Variants in PPA2 observed in about 807,000 individuals in gnomAD.
PPA2 encodes the protein inorganic pyrophosphatase 2, mitochondrial.
A neutral mutation model predicts 49.5 loss-of-function variants in PPA2; 48 were observed. The observed-to-expected ratio is 0.97, with a 90% CI of 0.77 to 1.23. PPA2 has a LOEUF of 1.23. Ranked by LOEUF, PPA2 falls within the 50% of genes most tolerant of loss-of-function variation. The probability of loss-of-function intolerance (pLI) is 0.00; values close to 1 mark genes in which losing one functional copy is unlikely to be tolerated. For synonymous variants in PPA2, 131 were observed against 139.9 expected (o/e 0.94, Z 0.45); for missense variants, 429 against 410.1 (o/e 1.05, Z -0.40).
At chr4:105,464,337 C>T (rs1333544404) in intron 1 of PPA2, among the ~76,000 whole-genome samples, 1 of 152,232 alleles carries the variant, frequency 6.6e-6, no homozygotes, top group African/African-American at 2.4e-5. Context: ...TTTATTTACC[C>T]AATACCTGTG....
In PPA2 at chr4:105,383,182, T is replaced by C. The variant is rs1400017989; in HGVS notation, c.939+3385A>G. On this transcript the variant is annotated intron_variant, in intron 10 of 11. Transcript: ENST00000341695. ...TATGATACAGTCATGCTTTTTGTGA[T>C]CATGTATAGTTCAAACATCTATATT... Among the ~76,000 whole-genome samples the C allele has an allele frequency of 3.9e-5, 6 of 152,188 alleles. No individual in the cohort carries two copies. The South Asian group carries it at 1.0e-3, about 26-fold the overall frequency.
chr4:105,464,765 G>T (rs1055213670), intron 1 of PPA2, among the ~76,000 whole-genome samples: 1 of 152,074 alleles, frequency 6.6e-6, no homozygotes, highest in African/African-American at 2.4e-5. Flanking sequence ...TTCACCTTCG[G>T]CCATGATTGT....
chr4:105,385,032 C>T (rs1162958786), intron 10 of PPA2, among the ~76,000 whole-genome samples: 7 of 152,150 alleles, frequency 4.6e-5, no homozygotes, highest in Non-Finnish European at 8.8e-5. Flanking sequence ...CTCAGACATC[C>T]TCTTGCCTCA....
In PPA2 at chr4:105,391,068, AGCAAACTAATGCAG is replaced by A. The variant is rs368576452; in HGVS notation, c.870-4446_870-4433del. Reference sequence around the variant, plus strand: ...GATGAAGCTGGAAACCATCATCCTCAGCAAACTAATGCAGGAGCAGAAAACTAAACACCACATGT... The same window carrying A: ...GATGAAGCTGGAAACCATCATCCTCAGAGCAGAAAACTAAACACCACATGT... On this transcript the variant is annotated intron_variant, in intron 9 of 11. Coordinates refer to ENST00000341695, the MANE Select transcript of PPA2 (RefSeq NM_176869.3). 3.0e-4 allele frequency among the ~76,000 whole-genome samples: 46 copies of A among 152,312 alleles called. No homozygotes were observed. The East Asian group carries it at 8.5e-3, about 28-fold the overall frequency.
chr4:105,465,587 C>T lies in PPA2; in HGVS notation c.157+8307G>A, dbSNP rs182031840. On this transcript the variant is annotated intron_variant, in intron 1 of 11. Coordinates refer to ENST00000341695, the MANE Select transcript of PPA2 (RefSeq NM_176869.3). ...GAAGGATTGCATGTGAGGCCAATTT[C>T]TCAAGTTGTTAAATGTCTAAAATGT... Among the ~76,000 whole-genome samples, 417 of 152,274 alleles carry T rather than the reference C, an allele frequency of 2.7e-3. 2 individuals are homozygous for T. Among genetic ancestry groups the T allele is most frequent in the Non-Finnish European group, 3.8e-3 (257 of 68,020 alleles).
At chr4:105,420,124 C>T (rs929011324) in intron 7 of PPA2, among the ~76,000 whole-genome samples, 1 of 152,122 alleles carries the variant, frequency 6.6e-6, no homozygotes, top group African/African-American at 2.4e-5. Flanking sequence ...AGGCATGTGC[C>T]ACCACACCCA....
intron 6 of PPA2, among the ~76,000 whole-genome samples, chr4:105,430,474 C>T (rs1403721614): frequency 3.9e-5 from 6 of 152,198 alleles, no homozygotes; most frequent in Admixed American, 1.3e-4. Flanking sequence ...GATTTACAAT[C>T]TTATTTGGGT....
chr4:105,382,701 T>C (rs1467711103), intron 10 of PPA2, among the ~76,000 whole-genome samples: 2 of 151,908 alleles, frequency 1.3e-5, no homozygotes, highest in African/African-American at 2.4e-5. Context: ...AAAAAAACTT[T>C]ACAAAAAGAA....
chr4:105,448,243 G>T (rs1722499609), intron 4 of PPA2: 1 of 186,038 alleles, frequency 5.4e-6, no homozygotes, highest in African/African-American at 2.4e-5. Flanking sequence ...AACACCAAAA[G>T]AATAATCTAA....
chr4:105,393,330 CA>C (rs1021408627), intron 9 of PPA2, among the ~76,000 whole-genome samples: 3 of 151,468 alleles, frequency 2.0e-5, no homozygotes, highest in African/African-American at 7.3e-5. Flanking sequence ...CCTGTCCATT[CA>C]AAAAATTTAA....
intron 1 of PPA2, among the ~76,000 whole-genome samples, chr4:105,473,102 G>A (rs1170506346): frequency 6.6e-6 from 1 of 152,174 alleles, no homozygotes; most frequent in Non-Finnish European, 1.5e-5. Context: ...GGGGAGTGAA[G>A]GCAAGCGACC....
chr4:105,427,026 G>A (rs920936205), intron 6 of PPA2, among the ~76,000 whole-genome samples: 13 of 152,286 alleles, frequency 8.5e-5, no homozygotes, highest in East Asian at 1.9e-4. Context: ...TTGCTGTTCC[G>A]CAGCCTCTGC....
intron 10 of PPA2, among the ~76,000 whole-genome samples, chr4:105,376,314 C>T (rs1463938677): frequency 1.3e-5 from 2 of 152,188 alleles, no homozygotes; most frequent in Non-Finnish European, 2.9e-5. Flanking sequence ...GACAACCATC[C>T]AAATTTTATA....
rs1297850464 is a variant in PPA2 at position 105,399,099 on chromosome 4, A to G, written c.721T>C (p.Tyr241His). Reference protein sequence around the residue: ...LEATLNWFRLYKVPDGKPENQ... With the variant: ...LEATLNWFRLHKVPDGKPENQ... Reference sequence around the variant, plus strand: ...TCTGGTTTTCCATCTGGTACCTTATATAATCTAAACCAATTAAGAGTAGCT... The same window carrying G: ...TCTGGTTTTCCATCTGGTACCTTATGTAATCTAAACCAATTAAGAGTAGCT... The change falls in exon 8 of 12, where the codon TAT becomes CAT. Residue 241 changes from tyrosine (Y) to histidine (H), a missense_variant. Transcript: ENST00000341695. The G allele has an allele frequency of 1.2e-6, 2 of 1,611,184 alleles. No homozygotes were observed. Among genetic ancestry groups the G allele is most frequent in the African/African-American group, 2.7e-5 (2 of 74,818 alleles).
intron 3 of PPA2, 101 bp downstream of exon 3, chr4:105,453,497 G>A (rs908385568): frequency 2.4e-6 from 2 of 832,620 alleles, no homozygotes; most frequent in Non-Finnish European, 3.5e-6. Context: ...AGTCTTGCAG[G>A]GGTAAAAACC....
chr4:105,449,286 C>T, intron 4 of PPA2, 64 bp downstream of exon 4: 1 of 636,108 alleles, frequency 1.6e-6, no homozygotes, highest in Non-Finnish European at 2.5e-6. Flanking sequence ...TGCCAAACAA[C>T]TTGCAACAAA....
At chr4:105,395,518 A>G (rs535081028) in intron 9 of PPA2, among the ~76,000 whole-genome samples, 1 of 152,340 alleles carries the variant, frequency 6.6e-6, no homozygotes, top group Non-Finnish European at 1.5e-5. Context: ...ACTGTAAAAG[A>G]GTGTGGAAGA....
At chr4:105,446,361 AC>A (rs1722385268) in intron 5 of PPA2, 21 bp downstream of exon 5, 1 of 1,537,354 alleles carries the variant, frequency 6.5e-7, no homozygotes, top group Admixed American at 2.1e-5. Context: ...GGAACATTTT[AC>A]CATTGTAACA....
intron 7 of PPA2, among the ~76,000 whole-genome samples, chr4:105,410,646 G>A (rs569880943): frequency 1.3e-5 from 2 of 152,318 alleles, no homozygotes; most frequent in South Asian, 4.1e-4. Flanking sequence ...AGGAAAAAAT[G>A]TTAAGGGCAG....
Sources: gnomAD v4.1 joint callset for allele counts (sites outside exome capture counted in the v4.1 genomes callset) on GRCh38, gnomAD v4.1.1 for gene constraint, MANE v1.5 for transcripts, NCBI Gene and HGNC (gene_info 2026-07-23, HGNC 2026-07-21) for gene names.